Variants in FGD2 observed in about 807,000 individuals in gnomAD.
The protein encoded by FGD2 is FYVE, RhoGEF and PH domain containing 2, also known as FYVE, RhoGEF and PH domain-containing protein 2.
Under a neutral mutation model 75.9 loss-of-function variants are expected in FGD2, and 52 were observed. The observed-to-expected ratio is 0.69, with a 90% CI of 0.55 to 0.86. The LOEUF (loss-of-function observed/expected upper bound fraction) is 0.86. FGD2 is among the 40% of genes least tolerant of loss of function. The pLI is 0.00. For synonymous variants in FGD2, 347 were observed against 348.6 expected (o/e 1.00, Z 0.05); for missense variants, 790 against 872.0 (o/e 0.91, Z 1.18).
chr6:37,021,064 ATG>A (rs1055254265), intron 11 of FGD2, among the ~76,000 whole-genome samples: 1 of 149,742 alleles, frequency 6.7e-6, no homozygotes, highest in African/African-American at 2.5e-5. Context: ...GCATGTGTGC[ATG>A]TGTTTGTGTG....
chr6:37,008,718 C>T (rs539836352), intron 1 of FGD2, 116 bp from the exon 2 acceptor site: 2 of 912,062 alleles, frequency 2.2e-6, no homozygotes, highest in East Asian at 5.5e-5. Context: ...AGCCAGGCAC[C>T]CAGGGGCCCC....
In FGD2 at chr6:37,008,990, C is replaced by A; in HGVS notation, c.225C>A (p.Ser75=). Residue 75 remains serine, a synonymous_variant, in exon 2 of 16, where the codon TCC becomes TCA. Coordinates refer to ENST00000274963, the MANE Select transcript of FGD2 (RefSeq NM_173558.4). The stretch of plus-strand genomic sequence containing the variant: ...CAGTCAGCAGGAGGTACCTGAACTC[C>A]CTGAAGAACAAGCTGTCCAGCGAAG... ...PRTVSRRYLN[S]LKNKLSSEAW... 2 of 1,614,218 alleles carry A rather than the reference C, an allele frequency of 1.2e-6. No homozygotes were observed. The highest frequency in any genetic ancestry group is 1.7e-6 in the Non-Finnish European group (2 of 1,180,040).
At chr6:37,014,362 G>A (rs1765172041) in intron 6 of FGD2, 1 of 616,064 alleles carries the variant, frequency 1.6e-6, no homozygotes, top group Non-Finnish European at 2.8e-6. Flanking sequence ...TGATACCAAA[G>A]CCCATGCTCC....
chr6:37,018,332 A>G (rs571446613), intron 9 of FGD2, among the ~76,000 whole-genome samples: 1 of 152,280 alleles, frequency 6.6e-6, no homozygotes, highest in Admixed American at 6.5e-5. Context: ...ATACTCCAGC[A>G]GCCGCACAGC....
At chr6:37,019,620 G>A (rs1290611855) in intron 9 of FGD2, among the ~76,000 whole-genome samples, 1 of 152,172 alleles carries the variant, frequency 6.6e-6, no homozygotes, top group Non-Finnish European at 1.5e-5. Context: ...CCGTCTGAAG[G>A]AAGTGTGCTT....
Position 37,015,045 on chromosome 6 carries a change from G to A in FGD2, c.1029+7G>A. 5 of 1,611,372 alleles carry A rather than the reference G, an allele frequency of 3.1e-6. No homozygotes were observed. Among genetic ancestry groups the A allele is most frequent in the Non-Finnish European group, 3.4e-6 (4 of 1,178,654 alleles). ...GGAGCGCTACCTTTTCTTGGTAAGA[G>A]GGTGCTGGGAGCTCCTCTCCACACT... On this transcript the variant is annotated splice_region_variant and intron_variant, in intron 8 of 15. Transcript: ENST00000274963.
chr6:37,027,634 G>A lies in FGD2; in HGVS notation c.1752+59G>A, dbSNP rs758485384. On this transcript the variant is annotated intron_variant, in intron 15 of 15. Coordinates refer to ENST00000274963, the MANE Select transcript of FGD2 (RefSeq NM_173558.4). ...CCTGGCCTTCCCACAGCGTGTGTGT[G>A]AAGGGGGTCAGGGGTGAGTATTGCT... is the stretch of plus-strand genomic sequence containing the variant. 8.8e-6 allele frequency: 14 copies of A among 1,598,804 alleles called. No homozygotes were observed. In the South Asian group the frequency reaches 1.4e-4, roughly 16 times the overall value.
Position 37,028,282 on chromosome 6 carries a change from C to T in FGD2, c.*119C>T, listed in dbSNP as rs536333506. The stretch of plus-strand genomic sequence containing the variant: ...AAGTGGTGCTTTCAGAGAATTGATT[C>T]AGCCATCTGCGCCCAGGCCACGTGT... On this transcript the variant is annotated 3_prime_UTR_variant, in exon 16 of 16. Transcript: ENST00000274963. The T allele has an allele frequency of 6.7e-4, 684 of 1,025,536 alleles. No homozygotes were observed. Among genetic ancestry groups the T allele is most frequent in the Non-Finnish European group, 8.6e-4 (625 of 728,532 alleles). The allele number at this position is 1,025,536 out of a possible 1,614,324, so 63.5% of individuals were successfully genotyped here.
intron 14 of FGD2, among the ~76,000 whole-genome samples, chr6:37,026,886 T>C (rs948846913): frequency 6.6e-6 from 1 of 151,220 alleles, no homozygotes; most frequent in Non-Finnish European, 1.5e-5. Context: ...TGCATGCCTG[T>C]AATCCCAGCT....
intron 9 of FGD2, among the ~76,000 whole-genome samples, chr6:37,018,157 G>A (rs945645604): frequency 6.6e-6 from 1 of 152,152 alleles, no homozygotes; most frequent in Non-Finnish European, 1.5e-5. Context: ...AATAGAGATC[G>A]ACAGATAGGA....
At chr6:37,021,874 T>G (rs1583319306) in intron 12 of FGD2, 5 of 476,162 alleles carry the variant, frequency 1.1e-5, no homozygotes, top group Non-Finnish European at 1.5e-5. Context: ...GGCAGTAGGG[T>G]TTTGGGTTTG....
In FGD2 at chr6:37,028,811, G is replaced by A. The variant is rs1765958349; in HGVS notation, c.*648G>A. 1 of 151,728 alleles carries A rather than the reference G, an allele frequency of 6.6e-6. No homozygotes were observed. The highest frequency in any genetic ancestry group is 2.1e-4 in the South Asian group (1 of 4,822). The allele number at this position is 151,728 out of a possible 1,614,324, so 9.4% of individuals were successfully genotyped here. A position where few individuals can be genotyped will look rare whatever the true frequency, so the allele number is the denominator to read the frequency against. ...TTTTGTAGAGATGGGATTTCACCAT[G>A]TTACTCAGGCTGGTCTCAAACTCCC... On this transcript the variant is annotated 3_prime_UTR_variant, in exon 16 of 16. Transcript: ENST00000274963.
chr6:37,027,657 G>A, intron 15 of FGD2, 82 bp downstream of exon 15: 1 of 1,528,242 alleles, frequency 6.5e-7, no homozygotes. Flanking sequence ...GGTGAGTATT[G>A]CTAGCTCCAT....
intron 15 of FGD2, 135 bp from the exon 16 acceptor site, chr6:37,027,813 C>A: frequency 9.0e-7 from 1 of 1,105,078 alleles, no homozygotes; most frequent in Non-Finnish European, 1.3e-6. Flanking sequence ...TCCTCGATGG[C>A]CTTCACCAGC....
intron 4 of FGD2, 154 bp from the exon 5 acceptor site, chr6:37,013,455 G>A (rs1407495461): frequency 5.6e-6 from 8 of 1,433,060 alleles, no homozygotes; most frequent in Middle Eastern, 2.4e-4. Context: ...GTAGAGGGGC[G>A]CATGTGAGGA....
In FGD2 at chr6:37,028,129, C is replaced by T. The variant is rs780958149; in HGVS notation, c.1934C>T (p.Pro645Leu). The change falls in exon 16 of 16, where the codon CCC becomes CTC. Residue 645 changes from proline to leucine, a missense_variant. By Grantham distance (98) the Pro-to-Leu change is moderately conservative (BLOSUM62 -3). Transcript: ENST00000274963. ...GAGCGGGCGGCCAGTGGCTGGAGCC[C>T]CAGCTGGCCCAACGATGGGGACCTG... is the stretch of plus-strand genomic sequence containing the variant. ...AMERAASGWS[P>L]SWPNDGDLSD 3.7e-6 allele frequency: 6 copies of T among 1,605,478 alleles called. No homozygotes were observed. Among genetic ancestry groups the T allele is most frequent in the African/African-American group, 1.3e-5 (1 of 74,788 alleles).
Position 37,028,194 on chromosome 6 carries a change from T to C in FGD2, c.*31T>C. On this transcript the variant is annotated 3_prime_UTR_variant, in exon 16 of 16. Coordinates refer to ENST00000274963, the MANE Select transcript of FGD2 (RefSeq NM_173558.4). ...TGCCAGCCGCTCTCCTGCCCACCTCTCCCCACCCTGAACCCAGCTCCTGCC... is the reference window on the plus strand; with the variant it reads ...TGCCAGCCGCTCTCCTGCCCACCTCCCCCCACCCTGAACCCAGCTCCTGCC... The C allele has an allele frequency of 6.7e-7, 1 of 1,499,760 alleles. No individual in the cohort carries two copies. Among genetic ancestry groups the C allele is most frequent in the South Asian group, 1.3e-5 (1 of 77,144 alleles). 92.9% of individuals were successfully genotyped at this position (1,499,760 alleles called of 1,614,324 possible). A position where few individuals can be genotyped will look rare whatever the true frequency, so the allele number is the denominator to read the frequency against.
chr6:37,006,377 G>T (rs573116517), intron 1 of FGD2, among the ~76,000 whole-genome samples: 1 of 152,266 alleles, frequency 6.6e-6, no homozygotes, highest in East Asian at 1.9e-4. Context: ...TCCTGATGGG[G>T]TACTCCCTAC....
chr6:37,011,337 T>C, intron 3 of FGD2: 3 of 562,218 alleles, frequency 5.3e-6, no homozygotes, highest in Non-Finnish European at 6.4e-6. Context: ...GTCATCTCAA[T>C]GCCCACAACC....
Sources: allele counts gnomAD v4.1 joint callset (sites outside exome capture counted in the v4.1 genomes callset), GRCh38; gene constraint gnomAD v4.1.1; transcripts MANE v1.5; gene names NCBI Gene and HGNC (gene_info 2026-07-23, HGNC 2026-07-21).